Variants in NALF1 observed in about 807,000 individuals in gnomAD.
NALF1 encodes the protein family with sequence similarity 155 member A.
In NALF1, 3 loss-of-function variants were observed where a neutral mutation model predicts 48.4. The observed-to-expected ratio is 0.06, with a 90% confidence interval of 0.03 to 0.16. The LOEUF is 0.16. Ranked by LOEUF, NALF1 falls within the 10% of genes least tolerant of loss-of-function variation. NALF1 has a pLI of 1.00. For missense variants in NALF1, 526 were observed against 571.5 expected, an observed-to-expected ratio of 0.92 and a Z score of 0.81; for synonymous variants, 262 against 245.7, an observed-to-expected ratio of 1.07 and a Z score of -0.62.
intron 1 of NALF1, among the ~76,000 whole-genome samples, chr13:107,744,350 G>A (rs139569697): frequency 1.0e-3 from 153 of 152,288 alleles, no homozygotes; most frequent in African/African-American, 3.5e-3. Context: ...ACAAATAATC[G>A]ATGGTGGTTA....
chr13:107,415,919 T>C (rs1884076774), intron 1 of NALF1, among the ~76,000 whole-genome samples: 1 of 152,234 alleles, frequency 6.6e-6, no homozygotes, highest in Admixed American at 6.5e-5. Flanking sequence ...TGCTCGATGT[T>C]GACGATCTAC....
At chr13:107,353,214 T>C (rs573072187) in intron 1 of NALF1, among the ~76,000 whole-genome samples, 150 of 152,300 alleles carry the variant, frequency 9.8e-4, no homozygotes, top group African/African-American at 3.3e-3. Context: ...TCTGTCACTT[T>C]CCCTCCTGCA....
chr13:107,231,832 C>T (rs1263038243), intron 1 of NALF1, among the ~76,000 whole-genome samples: 3 of 152,172 alleles, frequency 2.0e-5, no homozygotes, highest in African/African-American at 7.2e-5. Context: ...CTTTAGAAAC[C>T]TTTTAAATCT....
At chr13:107,327,042 G>C (rs1304716493) in intron 1 of NALF1, among the ~76,000 whole-genome samples, 1 of 152,216 alleles carries the variant, frequency 6.6e-6, no homozygotes, top group African/African-American at 2.4e-5. Flanking sequence ...CACATTGAAG[G>C]TTTCTGTCAT....
At chr13:107,700,053 A>G (rs1035252646) in intron 1 of NALF1, among the ~76,000 whole-genome samples, 6 of 152,090 alleles carry the variant, frequency 3.9e-5, no homozygotes, top group African/African-American at 1.4e-4. Context: ...CAAAAGAATT[A>G]ATATTGTTAA....
At chr13:107,245,946 A>C (rs1880574166) in intron 1 of NALF1, among the ~76,000 whole-genome samples, 2 of 151,972 alleles carry the variant, frequency 1.3e-5, no homozygotes, top group Admixed American at 1.3e-4. Context: ...CTCCAACTTA[A>C]CACTCAGCAC....
chr13:107,656,998 TGTGTGGGG>T (rs1044009335), intron 1 of NALF1, among the ~76,000 whole-genome samples: 2 of 151,732 alleles, frequency 1.3e-5, no homozygotes, highest in East Asian at 1.9e-4. Flanking sequence ...CTTTGAGGAC[TGTGTGGGG>T]GTGTGGGGTT....
At chr13:107,271,891 G>A (rs1266591868) in intron 1 of NALF1, among the ~76,000 whole-genome samples, 3 of 147,472 alleles carry the variant, frequency 2.0e-5, no homozygotes, top group Admixed American at 6.8e-5. Flanking sequence ...ATGCTTTGTC[G>A]AGGAACTTTC....
intron 1 of NALF1, among the ~76,000 whole-genome samples, chr13:107,505,047 A>G (rs1304880400): frequency 6.6e-6 from 1 of 152,066 alleles, no homozygotes; most frequent in Admixed American, 6.5e-5. Context: ...TAATTGCAAG[A>G]AGCAGTAAAG....
chr13:107,818,756 C>T (rs186054419), intron 1 of NALF1, among the ~76,000 whole-genome samples: 13,079 of 141,724 alleles, frequency 0.092, 736 homozygotes, highest in Middle Eastern at 0.13. Context: ...CCTGTAGTCC[C>T]AGCTACTCGG....
chr13:107,710,746 C>CAT (rs977368348), intron 1 of NALF1, among the ~76,000 whole-genome samples: 1 of 142,716 alleles, frequency 7.0e-6, no homozygotes, highest in Non-Finnish European at 1.5e-5. Flanking sequence ...ATATACATAT[C>CAT]ATATATATAC....
chr13:107,552,393 G>A (rs1025079668), intron 1 of NALF1, among the ~76,000 whole-genome samples: 10 of 152,130 alleles, frequency 6.6e-5, no homozygotes, highest in Admixed American at 2.0e-4. Flanking sequence ...TTAATGCATC[G>A]GGCAAATTGT....
At chr13:107,364,257 T>C (rs1422415936) in intron 1 of NALF1, among the ~76,000 whole-genome samples, 1 of 152,228 alleles carries the variant, frequency 6.6e-6, no homozygotes, top group Non-Finnish European at 1.5e-5. Context: ...AATCATCTTA[T>C]ATATGAGCAT....
At chr13:107,703,363 GTTTTTT>G (rs55884420) in intron 1 of NALF1, among the ~76,000 whole-genome samples, 3 of 112,044 alleles carry the variant, frequency 2.7e-5, no homozygotes, top group African/African-American at 6.6e-5. Flanking sequence ...CATTTGCTTA[GTTTTTT>G]TTTTTTTTTT....
chr13:107,476,324 T>C (rs2139056844), intron 1 of NALF1, among the ~76,000 whole-genome samples: 1 of 152,250 alleles, frequency 6.6e-6, no homozygotes, highest in African/African-American at 2.4e-5. Flanking sequence ...TAAAGAGTTA[T>C]GATACAAAGC....
intron 1 of NALF1, among the ~76,000 whole-genome samples, chr13:107,596,615 G>C (rs969323896): frequency 6.6e-6 from 1 of 152,002 alleles, no homozygotes; most frequent in Non-Finnish European, 1.5e-5. Flanking sequence ...AGTGGGAGTT[G>C]AACAACGAGA....
intron 1 of NALF1, among the ~76,000 whole-genome samples, chr13:107,443,167 A>ACAATCTAT (rs138460913): frequency 0.018 from 2,495 of 138,386 alleles, 29 homozygotes; most frequent in Admixed American, 0.025. Context: ...TATTTATCTA[A>ACAATCTAT]CAATCTATCT....
intron 1 of NALF1, among the ~76,000 whole-genome samples, chr13:107,740,340 T>C (rs971017326): frequency 6.6e-6 from 1 of 152,170 alleles, no homozygotes; most frequent in Non-Finnish European, 1.5e-5. Context: ...GAAGATGTAA[T>C]AGAATCAGAA....
At chr13:107,452,878 G>A (rs558533657) in intron 1 of NALF1, among the ~76,000 whole-genome samples, 13 of 152,264 alleles carry the variant, frequency 8.5e-5, no homozygotes, top group African/African-American at 3.1e-4. Flanking sequence ...GAGAGACATT[G>A]GCCAAAACAA....
Sources: gnomAD v4.1 joint callset for allele counts (sites outside exome capture counted in the v4.1 genomes callset) on GRCh38, gnomAD v4.1.1 for gene constraint, MANE v1.5 for transcripts, NCBI Gene and HGNC (gene_info 2026-07-23, HGNC 2026-07-21) for gene names.